GRM5: variants seen among roughly 807,000 people sequenced by gnomAD.
GRM5 encodes metabotropic glutamate receptor 5.
GRM5 carries 19 observed loss-of-function variants against 83.1 expected under a neutral mutation model. The ratio of observed to expected loss-of-function variants is 0.23; its 90% CI spans 0.16 to 0.34. GRM5 has a LOEUF of 0.34. Ranked by LOEUF, GRM5 falls within the 10% of genes least tolerant of loss-of-function variation. The probability of loss-of-function intolerance (pLI) is 1.00; values close to 1 mark genes in which losing one functional copy is unlikely to be tolerated. For missense variants in GRM5, 1,160 were observed against 1,588.3 expected, an observed-to-expected ratio of 0.73 and a Z score of 4.58; for synonymous variants, 675 against 633.6, an observed-to-expected ratio of 1.07 and a Z score of -0.98.
At chr11:88,946,893 A>C (rs1376324124) in intron 2 of GRM5, among the ~76,000 whole-genome samples, 1 of 152,100 alleles carries the variant, frequency 6.6e-6, no homozygotes, top group Non-Finnish European at 1.5e-5. Context: ...ACACCAGTCA[A>C]TGAAACATTA....
chr11:89,003,840 A>C (rs1940453424), intron 2 of GRM5, among the ~76,000 whole-genome samples: 1 of 152,222 alleles, frequency 6.6e-6, no homozygotes, highest in Non-Finnish European at 1.5e-5. Flanking sequence ...TGAGTGGCCC[A>C]GGCACAGGTG....
chr11:88,731,285 A>G (rs1941801219), intron 3 of GRM5, among the ~76,000 whole-genome samples: 1 of 151,968 alleles, frequency 6.6e-6, no homozygotes, highest in South Asian at 2.1e-4. Flanking sequence ...GCTTCCTAAT[A>G]CCCACAGGCA....
chr11:88,693,655 G>A (rs1940835451), intron 3 of GRM5, among the ~76,000 whole-genome samples: 2 of 152,170 alleles, frequency 1.3e-5, no homozygotes, highest in Admixed American at 1.3e-4. Context: ...GGCTGCCCAT[G>A]TAAGCCTTAG....
At chr11:89,039,700 A>G (rs142164756) in intron 2 of GRM5, among the ~76,000 whole-genome samples, 6,065 of 152,280 alleles carry the variant, frequency 0.04, 409 homozygotes, top group African/African-American at 0.13. Context: ...ACCTAAAGGT[A>G]GCAGTCAGGG....
At chr11:88,619,896 A>G (rs528542386) in intron 4 of GRM5, among the ~76,000 whole-genome samples, 105 of 152,230 alleles carry the variant, frequency 6.9e-4, no homozygotes, top group Non-Finnish European at 1.1e-3. Context: ...ACTGGATAAC[A>G]TACTATAACA....
intron 2 of GRM5, among the ~76,000 whole-genome samples, chr11:88,918,921 A>G (rs1945640505): frequency 6.6e-6 from 1 of 151,748 alleles, no homozygotes; most frequent in Non-Finnish European, 1.5e-5. Context: ...AAAATCAAAA[A>G]ATTAAAACAT....
intron 3 of GRM5, among the ~76,000 whole-genome samples, chr11:88,697,949 T>C (rs1940939609): frequency 1.3e-5 from 2 of 152,352 alleles, no homozygotes; most frequent in South Asian, 4.1e-4. Context: ...TATCAAGTGC[T>C]GTCAACTTTA....
intron 1 of GRM5, among the ~76,000 whole-genome samples, chr11:89,061,589 G>A (rs1941993291): frequency 6.6e-6 from 1 of 152,314 alleles, no homozygotes; most frequent in Non-Finnish European, 1.5e-5. Context: ...AGTTAATCAA[G>A]TATTCCCAAA....
chr11:88,607,159 G>A (rs1938176033), intron 4 of GRM5, among the ~76,000 whole-genome samples: 1 of 151,964 alleles, frequency 6.6e-6, no homozygotes, highest in African/African-American at 2.4e-5. Context: ...TTCCATCTCA[G>A]GACTAGACAG....
chr11:88,743,999 T>G (rs529307631), intron 3 of GRM5, among the ~76,000 whole-genome samples: 39 of 152,274 alleles, frequency 2.6e-4, no homozygotes, highest in Non-Finnish European at 4.7e-4. Context: ...CAAAGGTTGC[T>G]GAACAAGGCA....
chr11:88,795,578 C>T (rs1320605134), intron 3 of GRM5, among the ~76,000 whole-genome samples: 2 of 152,146 alleles, frequency 1.3e-5, no homozygotes, highest in East Asian at 1.9e-4. Flanking sequence ...ATAATACCTA[C>T]AATATTGAAC....
chr11:88,828,541 T>G (rs1025604194), intron 3 of GRM5, among the ~76,000 whole-genome samples: 1 of 152,152 alleles, frequency 6.6e-6, no homozygotes, highest in Non-Finnish European at 1.5e-5. Context: ...AAATATAAAA[T>G]GTTATTTCTA....
chr11:88,551,240 T>TCATC (rs1403673994), intron 8 of GRM5, among the ~76,000 whole-genome samples: 1 of 152,134 alleles, frequency 6.6e-6, no homozygotes, highest in African/African-American at 2.4e-5. Flanking sequence ...TTAGCCCCTA[T>TCATC]CATCCCCTTT....
At chr11:88,882,560 C>CA (rs35899523) in intron 2 of GRM5, among the ~76,000 whole-genome samples, 33,453 of 122,944 alleles carry the variant, frequency 0.27, 4,851 homozygotes, top group Non-Finnish European at 0.36. Context: ...GACTCTGTCT[C>CA]AAAAAAAAAA....
intron 3 of GRM5, among the ~76,000 whole-genome samples, chr11:88,674,674 A>C (rs565872918): frequency 6.6e-6 from 1 of 151,910 alleles, no homozygotes; most frequent in Admixed American, 6.6e-5. Context: ...TCCAGAGACA[A>C]AGTCATGATG....
intron 6 of GRM5, among the ~76,000 whole-genome samples, chr11:88,592,328 T>G (rs576063285): frequency 6.6e-6 from 1 of 152,346 alleles, no homozygotes; most frequent in South Asian, 2.1e-4. Flanking sequence ...AACACTCTAA[T>G]AATGTTACCT....
chr11:88,770,298 G>C (rs183502575), intron 3 of GRM5, among the ~76,000 whole-genome samples: 1 of 151,994 alleles, frequency 6.6e-6, no homozygotes, highest in East Asian at 1.9e-4. Flanking sequence ...TAAAAACAAA[G>C]GGAATCTTAA....
chr11:88,789,295 G>T (rs1343000426), intron 3 of GRM5, among the ~76,000 whole-genome samples: 5 of 151,850 alleles, frequency 3.3e-5, no homozygotes, highest in Non-Finnish European at 5.9e-5. Flanking sequence ...GAAATTGTGG[G>T]TGATGAGATC....
intron 8 of GRM5, among the ~76,000 whole-genome samples, chr11:88,541,002 G>A (rs1220091665): frequency 6.6e-6 from 1 of 151,906 alleles, no homozygotes; most frequent in Non-Finnish European, 1.5e-5. Flanking sequence ...CGCCCGCCTC[G>A]GCTTCCCAAA....
Sources: allele counts gnomAD v4.1 joint callset (sites outside exome capture counted in the v4.1 genomes callset), GRCh38; gene constraint gnomAD v4.1.1; transcripts MANE v1.5; gene names NCBI Gene and HGNC (gene_info 2026-07-23, HGNC 2026-07-21).